The following TUSC3 variants were observed in gnomAD, a reference collection of about 807,000 sequenced individuals.
TUSC3 encodes dolichyl-diphosphooligosaccharide--protein glycosyltransferase subunit TUSC3.
A neutral mutation model predicts 44.8 loss-of-function variants in TUSC3; 45 were observed. The observed-to-expected ratio is 1.00, with a 90% CI of 0.79 to 1.29. The LOEUF is 1.29. TUSC3 is among the 50% of genes most tolerant of loss of function. The pLI, the probability that TUSC3 is intolerant of heterozygous loss-of-function variation, is 0.00. For synonymous variants in TUSC3, 212 were observed against 152.9 expected (o/e 1.39, Z -2.85); for missense variants, 519 against 437.9 (o/e 1.19, Z -1.65).
intron 6 of TUSC3, among the ~76,000 whole-genome samples, chr8:15,693,100 C>G (rs925249036): frequency 2.0e-5 from 3 of 152,176 alleles, no homozygotes; most frequent in African/African-American, 7.2e-5. Context: ...GTTCTTGATT[C>G]TTTATGCAAC....
At chr8:15,438,672 A>G (rs1464402057) in intron 1 of TUSC3, among the ~76,000 whole-genome samples, 1 of 152,176 alleles carries the variant, frequency 6.6e-6, no homozygotes, top group African/African-American at 2.4e-5. Context: ...CTGAATGCTG[A>G]CCTTGTGCCA....
At chr8:15,683,553 GA>G (rs1241056411) in intron 6 of TUSC3, among the ~76,000 whole-genome samples, 1 of 151,944 alleles carries the variant, frequency 6.6e-6, no homozygotes, top group Non-Finnish European at 1.5e-5. Context: ...TTGCTTTTCT[GA>G]CTTCCTTGGA....
chr8:15,843,688 G>A, the TUSC3 span, among the ~76,000 whole-genome samples: 2 of 151,166 alleles, frequency 1.3e-5, no homozygotes, highest in African/African-American at 4.9e-5. Flanking sequence ...TCTATATGGT[G>A]TATATCTATA....
At chr8:15,516,208 A>G (rs1801214498) in intron 2 of TUSC3, among the ~76,000 whole-genome samples, 1 of 152,184 alleles carries the variant, frequency 6.6e-6, no homozygotes, top group African/African-American at 2.4e-5. Context: ...GAATTGACAT[A>G]TCTTATATTC....
At chr8:15,558,873 T>G (rs1372530130) in intron 1 of TUSC3, among the ~76,000 whole-genome samples, 1 of 151,282 alleles carries the variant, frequency 6.6e-6, no homozygotes, top group African/African-American at 2.4e-5. Flanking sequence ...CATTTTTTAT[T>G]GCGTCTGTTC....
chr8:15,676,772 G>A (rs1808209391), intron 6 of TUSC3, among the ~76,000 whole-genome samples: 1 of 152,136 alleles, frequency 6.6e-6, no homozygotes, highest in East Asian at 1.9e-4. Context: ...TCAGAGTATT[G>A]AAAGTGAGAA....
At chr8:15,657,845 A>G (rs1010080377) in intron 3 of TUSC3, among the ~76,000 whole-genome samples, 4 of 152,198 alleles carry the variant, frequency 2.6e-5, no homozygotes, top group Non-Finnish European at 5.9e-5. Context: ...AGTATAATGA[A>G]CAGATATTTG....
the TUSC3 span, among the ~76,000 whole-genome samples, chr8:15,819,143 C>T: frequency 7.9e-5 from 12 of 152,108 alleles, no homozygotes; most frequent in African/African-American, 2.2e-4. Flanking sequence ...TCCATCACCA[C>T]GAGTCATAGA....
chr8:15,525,094 G>A (rs118131292), intron 2 of TUSC3, among the ~76,000 whole-genome samples: 1 of 152,178 alleles, frequency 6.6e-6, no homozygotes, highest in African/African-American at 2.4e-5. Flanking sequence ...TCTTAAAGAT[G>A]TAAAGGTACA....
the TUSC3 span, among the ~76,000 whole-genome samples, chr8:15,778,115 AAAAC>A: frequency 1.3e-5 from 2 of 150,276 alleles, no homozygotes; most frequent in East Asian, 2.0e-4. Context: ...AAAAAAACAA[AAAAC>A]CAAAAAACAA....
At chr8:15,659,412 T>C in intron 3 of TUSC3, 95 bp from the exon 4 acceptor site, 2 of 1,462,778 alleles carry the variant, frequency 1.4e-6, no homozygotes, top group Non-Finnish European at 1.9e-6. Flanking sequence ...TCATAATAAA[T>C]GCTGTTTTCC....
chr8:15,654,594 T>C (rs1043667899), intron 3 of TUSC3, among the ~76,000 whole-genome samples: 1 of 152,110 alleles, frequency 6.6e-6, no homozygotes, highest in Non-Finnish European at 1.5e-5. Flanking sequence ...AAAATAATAT[T>C]GTTAAAGCCC....
chr8:15,790,453 G>A, the TUSC3 span, among the ~76,000 whole-genome samples: 32 of 152,184 alleles, frequency 2.1e-4, no homozygotes, highest in African/African-American at 7.0e-4. Flanking sequence ...AAAGTGCTGG[G>A]ATTACAGGCA....
intron 1 of TUSC3, among the ~76,000 whole-genome samples, chr8:15,563,500 A>G (rs1267523842): frequency 6.6e-6 from 1 of 152,078 alleles, no homozygotes; most frequent in Non-Finnish European, 1.5e-5. Flanking sequence ...AGCCTGGCCA[A>G]TATGGTGAAA....
rs536105464 is a variant in TUSC3, at chr8:15,554,348, T to A, written c.138+13780T>A. 1.6e-4 allele frequency among the ~76,000 whole-genome samples: 24 copies of A among 151,854 alleles called. No homozygotes were observed. The South Asian group carries it at 4.8e-3, about 30-fold the overall frequency. ...TGTGTGTCATTGCTAGGCAGAAGCT[T>A]GCAGCACCATTGCATGCTTTGCTGT... On this transcript the variant is annotated intron_variant, in intron 1 of 10. Coordinates refer to ENST00000503731, the MANE Select transcript of TUSC3 (RefSeq NM_006765.4).
intron 2 of TUSC3, among the ~76,000 whole-genome samples, chr8:15,633,781 T>C (rs1314418668): frequency 6.6e-6 from 1 of 152,174 alleles, no homozygotes; most frequent in African/African-American, 2.4e-5. Flanking sequence ...ATGGCCCTAC[T>C]CATACCTTGA....
chr8:15,845,300 A>G, the TUSC3 span, among the ~76,000 whole-genome samples: 1 of 152,128 alleles, frequency 6.6e-6, no homozygotes, highest in African/African-American at 2.4e-5. Flanking sequence ...CTGCAAAGTG[A>G]GGAGTTTTGA....
chr8:15,667,939 A>C (rs1807745109), intron 5 of TUSC3, among the ~76,000 whole-genome samples: 2 of 151,658 alleles, frequency 1.3e-5, no homozygotes, highest in Admixed American at 6.6e-5. Context: ...AGGAAAATAG[A>C]CGGTTAAAGG....
At chr8:15,752,453 T>G (rs1030730452) in intron 9 of TUSC3, among the ~76,000 whole-genome samples, 2 of 152,052 alleles carry the variant, frequency 1.3e-5, no homozygotes, top group Non-Finnish European at 2.9e-5. Context: ...CTTAACCAAT[T>G]TGGGTGAATT....
Sources: allele counts gnomAD v4.1 joint callset (sites outside exome capture counted in the v4.1 genomes callset), GRCh38; gene constraint gnomAD v4.1.1; transcripts MANE v1.5; gene names NCBI Gene and HGNC (gene_info 2026-07-23, HGNC 2026-07-21).